The following KLHL6 variants were observed in gnomAD, a reference collection of about 807,000 sequenced individuals.
KLHL6 encodes the protein kelch-like protein 6.
Under a neutral mutation model 58.6 loss-of-function variants are expected in KLHL6, and 41 were observed. That is an observed-to-expected ratio of 0.70 (90% CI 0.55 to 0.91). The LOEUF (loss-of-function observed/expected upper bound fraction) is 0.91, where lower values mean the gene tolerates loss of function less well. Among genes scored for constraint, KLHL6 ranks in the 40% least tolerant of loss-of-function variants. The pLI is 0.00. For missense variants in KLHL6, 714 were observed against 805.6 expected (o/e 0.89, Z 1.38); for synonymous variants, 338 against 322.7 (o/e 1.05, Z -0.51).
Position 183,499,607 on chromosome 3 carries a change from T to A in KLHL6, c.1130A>T (p.Asn377Ile). 1 of 1,599,876 alleles carries A rather than the reference T, an allele frequency of 6.3e-7. No individual in the cohort carries two copies. Among genetic ancestry groups the A allele is most frequent in the Non-Finnish European group, 8.5e-7 (1 of 1,172,294 alleles). ...CTGCTTACCTGAGATGTAGACCTCA[T>A]TTTTCAATGTCACGCATGCAAACTC... The part of the protein sequence containing the change: ...WVEFACVTLK[N>I]EVYISGGKET... Residue 377 changes from asparagine to isoleucine, a missense_variant, in exon 4 of 7, where the codon AAT (asparagine) becomes ATT (isoleucine). Asn to Ile is a moderately radical substitution (Grantham distance 149). This residue lies in a region of KLHL6 where 510 missense variants were observed against 629.7 expected (regional missense o/e 0.81). Transcript: ENST00000341319. The surrounding 1 kb of genome is among the most constrained non-coding windows in gnomAD (Gnocchi z 4.6).
chr3:183,498,483 G>A (rs1717775644), intron 4 of KLHL6, among the ~76,000 whole-genome samples: 1 of 151,996 alleles, frequency 6.6e-6, no homozygotes. Context: ...AAGAGTGTGG[G>A]CGTTAGGCTT....
chr3:183,541,976 T>C (rs1470448660), intron 1 of KLHL6, among the ~76,000 whole-genome samples: 2 of 152,138 alleles, frequency 1.3e-5, no homozygotes, highest in Admixed American at 1.3e-4. Context: ...TCAGTTTGCT[T>C]TGTGTTCCAG....
intron 2 of KLHL6, among the ~76,000 whole-genome samples, chr3:183,526,030 G>T (rs1383170160): frequency 6.6e-6 from 1 of 152,186 alleles, no homozygotes; most frequent in Non-Finnish European, 1.5e-5. Flanking sequence ...ATTTTTTGCC[G>T]GGTGCGGTGG....
chr3:183,499,646 T>C lies in KLHL6; in HGVS notation c.1091A>G (p.Asn364Ser). The change falls in exon 4 of 7, where the codon AAT becomes AGT. Residue 364 changes from asparagine to serine, a missense_variant. By Grantham distance (46) the Asn-to-Ser change is conservative. Around this residue, in one of 2 missense-constraint regions of KLHL6, gnomAD observed 510 missense variants for 629.7 expected, o/e 0.81. Coordinates refer to ENST00000341319, the MANE Select transcript of KLHL6 (RefSeq NM_130446.4). The surrounding 1 kb of genome is among the most constrained non-coding windows in gnomAD (Gnocchi z 4.6). ...GCATGCAAACTCCACCCACTTCTTATTCTCACTCTCCAGCTCATGCTCTGT... is the reference window on the plus strand; with the variant it reads ...GCATGCAAACTCCACCCACTTCTTACTCTCACTCTCCAGCTCATGCTCTGT... ...PLTEHELESE[N>S]KKWVEFACVT... 1 of 1,610,142 alleles carries C rather than the reference T, an allele frequency of 6.2e-7. No individual in the cohort carries two copies. The highest frequency in any genetic ancestry group is 1.3e-5 in the African/African-American group (1 of 75,066).
intron 1 of KLHL6, among the ~76,000 whole-genome samples, chr3:183,553,723 A>C (rs1278991894): frequency 1.5e-4 from 23 of 152,232 alleles, no homozygotes; most frequent in Admixed American, 1.4e-3. Context: ...GAACATACCC[A>C]GTCCCTGCTC....
intron 1 of KLHL6, among the ~76,000 whole-genome samples, chr3:183,547,904 T>G (rs572825220): frequency 3.3e-5 from 5 of 152,254 alleles, no homozygotes; most frequent in African/African-American, 1.2e-4. Flanking sequence ...CTATGACCCC[T>G]CAGCTCCCCA....
intron 1 of KLHL6, among the ~76,000 whole-genome samples, chr3:183,551,349 G>C (rs1390973200): frequency 6.6e-6 from 1 of 152,128 alleles, no homozygotes; most frequent in Non-Finnish European, 1.5e-5. Context: ...AAGGCAGGAG[G>C]ATTCTGAGGA....
intron 2 of KLHL6, chr3:183,522,547 G>A (rs1711803256): frequency 6.6e-6 from 1 of 152,214 alleles, no homozygotes; most frequent in Admixed American, 6.5e-5. Context: ...AGATTGACTG[G>A]CTTCTATGGT....
intron 1 of KLHL6, among the ~76,000 whole-genome samples, chr3:183,529,120 G>T (rs1168867568): frequency 6.6e-6 from 1 of 152,116 alleles, no homozygotes; most frequent in South Asian, 2.1e-4. Flanking sequence ...ACACATAGAG[G>T]GGAACAACAC....
chr3:183,532,831 G>T (rs1370081126), intron 1 of KLHL6, among the ~76,000 whole-genome samples: 5 of 152,220 alleles, frequency 3.3e-5, no homozygotes, highest in Non-Finnish European at 7.3e-5. Context: ...GCCGTTGAAG[G>T]TTGATGAGCA....
Position 183,508,241 on chromosome 3 carries a change from C to G in KLHL6, c.727G>C (p.Val243Leu), listed in dbSNP as rs767094575. The stretch of plus-strand genomic sequence containing the variant: ...AGTCGTTCTGATGGCTTGTGCCGGA[C>G]CCAGCTCATCACGGTCTCAAACACC... ...AQVFETVMSW[V>L]RHKPSERLCL... The change falls in exon 3 of 7, where the codon GTC becomes CTC. Residue 243 changes from valine to leucine, a missense_variant. Physicochemically the swap from Val to Leu is conservative, Grantham distance 32 (BLOSUM62 1). This residue lies in a region of KLHL6 where 510 missense variants were observed against 629.7 expected (regional missense o/e 0.81). Transcript: ENST00000341319. The G allele has an allele frequency of 6.2e-7, 1 of 1,614,148 alleles. No individual in the cohort carries two copies. The highest frequency in any genetic ancestry group is 2.2e-5 in the East Asian group (1 of 44,882).
chr3:183,522,069 T>C (rs1167074906), intron 2 of KLHL6, among the ~76,000 whole-genome samples: 1 of 146,872 alleles, frequency 6.8e-6, no homozygotes, highest in Non-Finnish European at 1.5e-5. Flanking sequence ...CTCAGGCCTG[T>C]AATCCCAGCA....
chr3:183,517,965 G>A (rs2108679912), intron 2 of KLHL6, among the ~76,000 whole-genome samples: 1 of 152,314 alleles, frequency 6.6e-6, no homozygotes, highest in South Asian at 2.1e-4. Flanking sequence ...ACAGGCAGCT[G>A]CAATAGGTGG....
At chr3:183,520,337 T>C (rs1711714235) in intron 2 of KLHL6, 2 of 150,846 alleles carry the variant, frequency 1.3e-5, no homozygotes, top group Non-Finnish European at 2.9e-5. Context: ...AGACTCATTC[T>C]GGGGATGCTT....
At chr3:183,513,865 C>T (rs1055408487) in intron 2 of KLHL6, among the ~76,000 whole-genome samples, 73 of 152,102 alleles carry the variant, frequency 4.8e-4, no homozygotes, top group African/African-American at 1.7e-3. Flanking sequence ...TACTCTTTCT[C>T]CCCTTCCCCT....
At chr3:183,529,080 A>C (rs974555168) in intron 1 of KLHL6, among the ~76,000 whole-genome samples, 3 of 152,186 alleles carry the variant, frequency 2.0e-5, no homozygotes, top group Non-Finnish European at 4.4e-5. Flanking sequence ...TCTTACTTAT[A>C]AGTGGAAGCT....
intron 2 of KLHL6, among the ~76,000 whole-genome samples, chr3:183,509,114 A>AGT (rs1350894696): frequency 6.6e-6 from 1 of 152,182 alleles, no homozygotes; most frequent in Non-Finnish European, 1.5e-5. Context: ...AGAGAGAGAG[A>AGT]AGGAGAGGGA....
chr3:183,521,806 A>C (rs62287217), intron 2 of KLHL6: 1 of 145,948 alleles, frequency 6.9e-6, no homozygotes, highest in African/African-American at 2.6e-5. Context: ...CGATTCTCCC[A>C]CCTCAGCCTC....
At chr3:183,552,717 CAAAA>C (rs1169148282) in intron 1 of KLHL6, among the ~76,000 whole-genome samples, 16 of 47,602 alleles carry the variant, frequency 3.4e-4, no homozygotes, top group East Asian at 6.4e-4. Flanking sequence ...GACTCCGTCT[CAAAA>C]AAAAAAAAAA....
Sources: allele counts gnomAD v4.1 joint callset (sites outside exome capture counted in the v4.1 genomes callset), GRCh38; gene constraint gnomAD v4.1.1; regional missense constraint gnomAD v4.1.1; non-coding constraint Gnocchi (gnomAD v3.1); transcripts MANE v1.5; gene names NCBI Gene and HGNC (gene_info 2026-07-23, HGNC 2026-07-21).